PPARGC1A: variants seen among roughly 807,000 people sequenced by gnomAD.
PPARGC1A encodes the protein peroxisome proliferator-activated receptor gamma coactivator 1-alpha.
In PPARGC1A, 25 loss-of-function variants were observed where a neutral mutation model predicts 88.7. The ratio of observed to expected loss-of-function variants is 0.28; its 90% CI spans 0.21 to 0.39. The LOEUF is 0.39. Among genes scored for constraint, PPARGC1A ranks in the 10% least tolerant of loss-of-function variants. PPARGC1A has a pLI of 1.00. For missense variants in PPARGC1A, 880 were observed against 968.7 expected (o/e 0.91, Z 1.22); for synonymous variants, 363 against 355.6 (o/e 1.02, Z -0.24).
the PPARGC1A span, among the ~76,000 whole-genome samples, chr4:24,203,465 G>A: frequency 6.6e-6 from 1 of 152,192 alleles, no homozygotes; most frequent in South Asian, 2.1e-4. Flanking sequence ...CTTGAGCCCA[G>A]AATGAGCAAT....
chr4:23,887,307 C>T (rs1717083185), intron 1 of PPARGC1A, among the ~76,000 whole-genome samples: 1 of 152,164 alleles, frequency 6.6e-6, no homozygotes, highest in South Asian at 2.1e-4. Context: ...CTGAATGTGG[C>T]ATTATCCTGC....
the PPARGC1A span, among the ~76,000 whole-genome samples, chr4:23,953,274 G>A: frequency 3.3e-5 from 5 of 151,904 alleles, no homozygotes; most frequent in East Asian, 1.9e-4. Context: ...ATTTTTAGTC[G>A]GTGTAATTGC....
intron 2 of PPARGC1A, among the ~76,000 whole-genome samples, chr4:23,839,178 A>C (rs1726586845): frequency 1.3e-5 from 2 of 152,198 alleles, no homozygotes; most frequent in South Asian, 4.1e-4. Flanking sequence ...CTTCTATCAC[A>C]CATTCATGAG....
the PPARGC1A span, among the ~76,000 whole-genome samples, chr4:24,168,233 A>G: frequency 6.6e-6 from 1 of 152,190 alleles, no homozygotes; most frequent in African/African-American, 2.4e-5. Context: ...AATCTGCAAC[A>G]TCTCCATGGA....
At chr4:23,924,242 C>T in the PPARGC1A span, among the ~76,000 whole-genome samples, 3 of 152,204 alleles carry the variant, frequency 2.0e-5, no homozygotes, top group Admixed American at 2.0e-4. Context: ...AATGCTTTGC[C>T]TTATCCTTCC....
chr4:24,331,778 T>TATAC, the PPARGC1A span, among the ~76,000 whole-genome samples: 9 of 150,466 alleles, frequency 6.0e-5, no homozygotes, highest in Non-Finnish European at 1.2e-4. Flanking sequence ...TATATATATA[T>TATAC]ATATATATTT....
chr4:24,328,335 G>A, the PPARGC1A span, among the ~76,000 whole-genome samples: 1 of 150,750 alleles, frequency 6.6e-6, no homozygotes, highest in Non-Finnish European at 1.5e-5. Context: ...TGGAGAGCAT[G>A]AAAATTCTGT....
chr4:24,172,042 A>G, the PPARGC1A span, among the ~76,000 whole-genome samples: 34 of 152,306 alleles, frequency 2.2e-4, no homozygotes, highest in East Asian at 4.6e-3. Flanking sequence ...GTTCTGAGTC[A>G]ATACAGAAGA....
At chr4:23,943,410 C>T in the PPARGC1A span, among the ~76,000 whole-genome samples, 3 of 146,596 alleles carry the variant, frequency 2.0e-5, no homozygotes, top group East Asian at 5.9e-4. Flanking sequence ...TAAATACATA[C>T]CCCTTGGCTC....
the PPARGC1A span, among the ~76,000 whole-genome samples, chr4:24,017,145 G>A: frequency 2.0e-5 from 3 of 152,144 alleles, no homozygotes; most frequent in Non-Finnish European, 2.9e-5. Flanking sequence ...TGAAAGGTAC[G>A]CAAAGAGGTT....
At chr4:24,193,549 A>G in the PPARGC1A span, among the ~76,000 whole-genome samples, 3 of 152,090 alleles carry the variant, frequency 2.0e-5, no homozygotes, top group South Asian at 6.2e-4. Context: ...TGAAAATCTG[A>G]CTGAAAGACA....
At chr4:24,391,448 AG>A in the PPARGC1A span, among the ~76,000 whole-genome samples, 1 of 152,138 alleles carries the variant, frequency 6.6e-6, no homozygotes, top group African/African-American at 2.4e-5. Flanking sequence ...CAACTGAAAA[AG>A]GCTTTGTTGA....
chr4:23,889,755 A>T, intron 1 of PPARGC1A, 149 bp downstream of exon 1: 1 of 920,036 alleles, frequency 1.1e-6, no homozygotes, highest in African/African-American at 1.7e-5. Flanking sequence ...TATTGGAGTT[A>T]AGATAAGATT....
At chr4:24,281,563 T>G in the PPARGC1A span, among the ~76,000 whole-genome samples, 3 of 152,168 alleles carry the variant, frequency 2.0e-5, no homozygotes, top group African/African-American at 7.2e-5. Context: ...CACCTCCCAT[T>G]AGGTCCCACC....
At chr4:24,354,389 C>T in the PPARGC1A span, among the ~76,000 whole-genome samples, 2 of 152,166 alleles carry the variant, frequency 1.3e-5, no homozygotes, top group East Asian at 3.9e-4. Flanking sequence ...AGGGTGTGGG[C>T]ATTATTCTGA....
the PPARGC1A span, among the ~76,000 whole-genome samples, chr4:24,402,372 G>C: frequency 6.6e-6 from 1 of 152,212 alleles, no homozygotes; most frequent in East Asian, 1.9e-4. Flanking sequence ...AGCTGTTTGA[G>C]AGCCCAAACG....
chr4:24,195,927 GAGA>G, the PPARGC1A span, among the ~76,000 whole-genome samples: 12 of 152,208 alleles, frequency 7.9e-5, no homozygotes, highest in Non-Finnish European at 1.5e-4. Flanking sequence ...AGGGCCACAA[GAGA>G]AGAAGTCCCA....
the PPARGC1A span, among the ~76,000 whole-genome samples, chr4:24,020,402 C>A: frequency 6.6e-6 from 1 of 151,960 alleles, no homozygotes; most frequent in Non-Finnish European, 1.5e-5. Context: ...ATTGACTGTA[C>A]CTATCATTAA....
In PPARGC1A at chr4:23,814,051, C is replaced by T; in HGVS notation, c.1432G>A (p.Ala478Thr). ...HPSQAVFDDEADKTGELRDSD... is the reference protein window; with the variant it reads ...HPSQAVFDDETDKTGELRDSD... Reference sequence around the variant, plus strand: ...TCCCTCAGTTCACCGGTCTTGTCTGCTTCGTCGTCAAAAACAGCTTGACTG... The same window carrying T: ...TCCCTCAGTTCACCGGTCTTGTCTGTTTCGTCGTCAAAAACAGCTTGACTG... Residue 478 changes from alanine (A) to threonine (T), a missense_variant, in exon 8 of 13, where the codon GCA (alanine) becomes ACA (threonine). Physicochemically the swap from Ala to Thr is moderately conservative, Grantham distance 58 (BLOSUM62 0). Transcript: ENST00000264867. The T allele has an allele frequency of 9.9e-6, 16 of 1,614,038 alleles. No individual in the cohort carries two copies. The highest frequency in any genetic ancestry group is 1.4e-5 in the Non-Finnish European group (16 of 1,179,950).
Sources: gnomAD v4.1 joint callset for allele counts (sites outside exome capture counted in the v4.1 genomes callset) on GRCh38, gnomAD v4.1.1 for gene constraint, MANE v1.5 for transcripts, NCBI Gene and HGNC (gene_info 2026-07-23, HGNC 2026-07-21) for gene names.